The following ADGRV1 variants were observed in gnomAD, a reference collection of about 807,000 sequenced individuals.
The protein encoded by ADGRV1 is G-protein coupled receptor 98.
Under a neutral mutation model 596.2 loss-of-function variants are expected in ADGRV1, and 359 were observed. The ratio of observed to expected loss-of-function variants is 0.60; its 90% CI spans 0.55 to 0.66. ADGRV1 has a LOEUF of 0.66. Among genes scored for constraint, ADGRV1 ranks in the 30% least tolerant of loss-of-function variants. The probability of loss-of-function intolerance (pLI) is 0.00; values close to 1 mark genes in which losing one functional copy is unlikely to be tolerated. For missense variants in ADGRV1, 7,274 were observed against 7,575.6 expected (o/e 0.96, Z 1.48); for synonymous variants, 2,681 against 2,679.2 (o/e 1.00, Z -0.02).
At chr5:90,595,567 AC>A (rs1166100836) in intron 1 of ADGRV1, among the ~76,000 whole-genome samples, 1 of 119,878 alleles carries the variant, frequency 8.3e-6, no homozygotes, top group African/African-American at 3.5e-5. Context: ...CGGGGGGCTG[AC>A]CCCCCAACCT....
intron 87 of ADGRV1, among the ~76,000 whole-genome samples, chr5:91,123,520 C>A (rs370488724): frequency 6.6e-6 from 1 of 152,106 alleles, no homozygotes; most frequent in Non-Finnish European, 1.5e-5. Context: ...GAGGGTAGAG[C>A]CCTCATGACC....
Position 90,676,135 on chromosome 5 carries a change from T to C in ADGRV1, c.5369T>C (p.Ile1790Thr). The C allele has an allele frequency of 6.2e-7, 1 of 1,605,320 alleles. No individual in the cohort carries two copies. The highest frequency in any genetic ancestry group is 8.5e-7 in the Non-Finnish European group (1 of 1,174,626). Residue 1790 changes from isoleucine (I) to threonine (T), a missense_variant, in exon 25 of 90, where the codon ATA becomes ACA. Ile to Thr is a moderately conservative substitution (Grantham distance 89). Transcript: ENST00000405460. ...GGAGAAAGATATAAATACATTTTCA[T>C]AAACATCACTGATAATTCTATTCCT... ...QPGERYKYIF[I>T]NITDNSIPEL...
At chr5:90,877,985 G>A (rs926385326) in intron 83 of ADGRV1, among the ~76,000 whole-genome samples, 2 of 152,060 alleles carry the variant, frequency 1.3e-5, no homozygotes, top group African/African-American at 2.4e-5. Flanking sequence ...ATTTGCTATT[G>A]AATTCATATT....
chr5:90,665,936 C>A (rs1334956099), intron 21 of ADGRV1, among the ~76,000 whole-genome samples: 2 of 149,310 alleles, frequency 1.3e-5, no homozygotes, highest in East Asian at 3.9e-4. Context: ...GAGTGAGATT[C>A]TTAATCCTGA....
chr5:90,592,301 G>T (rs1759612055), intron 1 of ADGRV1, among the ~76,000 whole-genome samples: 1 of 152,152 alleles, frequency 6.6e-6, no homozygotes. Context: ...ATGAAATAAT[G>T]GCATTTGCAG....
intron 83 of ADGRV1, among the ~76,000 whole-genome samples, chr5:90,928,633 G>T (rs1430266283): frequency 6.6e-6 from 1 of 150,438 alleles, no homozygotes; most frequent in Non-Finnish European, 1.5e-5. Context: ...CTCTCAGCTC[G>T]TGAAAGTCAT....
At chr5:90,802,191 T>G (rs912841705) in intron 70 of ADGRV1, among the ~76,000 whole-genome samples, 2 of 151,712 alleles carry the variant, frequency 1.3e-5, no homozygotes, top group African/African-American at 4.8e-5. Flanking sequence ...AAAATTTGTG[T>G]TTTTTTTGTT....
intron 83 of ADGRV1, among the ~76,000 whole-genome samples, chr5:90,962,236 C>T (rs1168438902): frequency 1.3e-5 from 2 of 152,172 alleles, no homozygotes; most frequent in Non-Finnish European, 2.9e-5. Flanking sequence ...AAACATGTAG[C>T]GCCATGCTGG....
chr5:91,071,217 G>C (rs1788364012), intron 85 of ADGRV1, among the ~76,000 whole-genome samples: 1 of 152,148 alleles, frequency 6.6e-6, no homozygotes, highest in Non-Finnish European at 1.5e-5. Flanking sequence ...TGGTCTCTGT[G>C]ACCTTTTACC....
intron 76 of ADGRV1, among the ~76,000 whole-genome samples, chr5:90,824,697 T>C (rs1763920847): frequency 6.6e-6 from 1 of 152,232 alleles, no homozygotes; most frequent in Non-Finnish European, 1.5e-5. Context: ...ACTGCAACTT[T>C]ACGTGAAACA....
intron 72 of ADGRV1, among the ~76,000 whole-genome samples, chr5:90,807,338 C>G (rs948219016): frequency 6.6e-6 from 1 of 152,088 alleles, no homozygotes; most frequent in African/African-American, 2.4e-5. Context: ...TGCCTAACAC[C>G]AGTATCTTTT....
chr5:90,835,681 C>T (rs1209713513), intron 77 of ADGRV1, among the ~76,000 whole-genome samples: 2 of 152,164 alleles, frequency 1.3e-5, no homozygotes, highest in Admixed American at 1.3e-4. Flanking sequence ...AACCATGGGT[C>T]CCAGGTGGAA....
chr5:90,942,758 C>T (rs1581587591), intron 83 of ADGRV1, among the ~76,000 whole-genome samples: 1 of 152,044 alleles, frequency 6.6e-6, no homozygotes, highest in Admixed American at 6.6e-5. Context: ...GTGTGAAGTA[C>T]CTGGATTTTT....
chr5:90,693,876 A>G lies in ADGRV1; in HGVS notation c.7134-14A>G, dbSNP rs761731363. 28 of 1,515,078 alleles carry G rather than the reference A, an allele frequency of 1.8e-5. No homozygotes were observed. Among genetic ancestry groups the G allele is most frequent in the Non-Finnish European group, 2.4e-5 (27 of 1,129,982 alleles). 93.9% of individuals were successfully genotyped at this position (1,515,078 alleles called of 1,614,324 possible). ...GTGCTTAACCTGTCTTTTAATTGTC[A>G]CTCCACATTTTAGCGGAGGGCACTT... On this transcript the variant is annotated splice_polypyrimidine_tract_variant and intron_variant, in intron 32 of 89. Coordinates refer to ENST00000405460, the MANE Select transcript of ADGRV1 (RefSeq NM_032119.4).
At chr5:90,807,544 A>G in intron 72 of ADGRV1, 58 bp from the exon 73 acceptor site, 2 of 1,502,270 alleles carry the variant, frequency 1.3e-6, no homozygotes, top group Non-Finnish European at 1.8e-6. Flanking sequence ...TTAAAAGTCA[A>G]ATCCCAATTT....
chr5:91,022,950 G>A (rs372000985), intron 85 of ADGRV1, among the ~76,000 whole-genome samples: 3 of 152,232 alleles, frequency 2.0e-5, no homozygotes, highest in African/African-American at 7.2e-5. Context: ...GTAAATTTAG[G>A]TGTGAAGTCC....
chr5:90,698,002 A>G (rs1193473810), intron 34 of ADGRV1, among the ~76,000 whole-genome samples: 1 of 152,236 alleles, frequency 6.6e-6, no homozygotes, highest in African/African-American at 2.4e-5. Context: ...TGGCTGTGCC[A>G]GAAACAGAAT....
At chr5:91,002,374 G>C (rs1473783206) in intron 85 of ADGRV1, among the ~76,000 whole-genome samples, 1 of 152,102 alleles carries the variant, frequency 6.6e-6, no homozygotes, top group African/African-American at 2.4e-5. Context: ...ATCTGTCACA[G>C]CTTCTCCAGC....
chr5:90,617,665 T>A, intron 2 of ADGRV1, 139 bp from the exon 3 acceptor site: 2 of 649,228 alleles, frequency 3.1e-6, no homozygotes, highest in Non-Finnish European at 2.5e-6. Context: ...TATTTATGAT[T>A]TTTGTTTTTG....
Sources: gnomAD v4.1 joint callset for allele counts (sites outside exome capture counted in the v4.1 genomes callset) on GRCh38, gnomAD v4.1.1 for gene constraint, MANE v1.5 for transcripts, NCBI Gene and HGNC (gene_info 2026-07-23, HGNC 2026-07-21) for gene names.